ZNF600: variants seen among roughly 807,000 people sequenced by gnomAD.
ZNF600 encodes the protein zinc finger protein KR-ZNF1.
A neutral mutation model predicts 7.3 loss-of-function variants in ZNF600; 4 were observed. The observed-to-expected ratio is 0.55, with a 90% confidence interval of 0.27 to 1.25. The LOEUF (loss-of-function observed/expected upper bound fraction) is 1.25, where lower values mean the gene tolerates loss of function less well. ZNF600 is among the 50% of genes most tolerant of loss of function. ZNF600 has a pLI of 0.12. For synonymous variants in ZNF600, 290 were observed against 308.9 expected, an observed-to-expected ratio of 0.94 and a Z score of 0.64; for missense variants, 911 against 922.1, an observed-to-expected ratio of 0.99 and a Z score of 0.16.
chr19:52,818,140 T>C, the ZNF600 span: 1 of 1,177,912 alleles, frequency 8.5e-7, no homozygotes, highest in Non-Finnish European at 1.2e-6. Flanking sequence ...TGGTCCCCTA[T>C]GCTGCCTACC....
At chr19:52,830,039 C>CTAG in the ZNF600 span, among the ~76,000 whole-genome samples, 64,676 of 151,610 alleles carry the variant, frequency 0.43, 15,852 homozygotes, top group Non-Finnish European at 0.57. Flanking sequence ...TTTGGAAGAC[C>CTAG]GCAGTGGGTG....
chr19:52,787,983 T>C (rs1468227399), upstream of ZNF600, among the ~76,000 whole-genome samples: 2 of 152,146 alleles, frequency 1.3e-5, no homozygotes, highest in Admixed American at 6.5e-5. Flanking sequence ...CTTTCATACA[T>C]AGATTCTCTG....
the ZNF600 span, among the ~76,000 whole-genome samples, chr19:52,829,750 G>A: frequency 1.3e-3 from 205 of 152,130 alleles, no homozygotes; most frequent in Middle Eastern, 0.01. Context: ...CGCCTCAAGC[G>A]ATCTACCCCC....
At chr19:52,784,273 T>G (rs1004525303) in intron 1 of ZNF600, among the ~76,000 whole-genome samples, 59 of 152,006 alleles carry the variant, frequency 3.9e-4, no homozygotes, top group African/African-American at 1.4e-3. Context: ...GGGCTTGGTG[T>G]CTCACACCTG....
the ZNF600 span, chr19:52,800,867 T>C: frequency 5.7e-5 from 92 of 1,613,932 alleles, no homozygotes; most frequent in Admixed American, 1.7e-4. Context: ...TACATTTGTA[T>C]GGTTTCCCTC....
chr19:52,774,431 A>G, intron 3 of ZNF600, 144 bp downstream of exon 5: 10 of 902,310 alleles, frequency 1.1e-5, no homozygotes, highest in Non-Finnish European at 1.3e-5. Flanking sequence ...ATCCATCTCA[A>G]ACAAAAAAAC....
chr19:52,808,123 G>A, the ZNF600 span: 3 of 1,613,150 alleles, frequency 1.9e-6, no homozygotes, highest in East Asian at 2.2e-5. Flanking sequence ...GTCCCTGAAT[G>A]TCAATAGACC....
the ZNF600 span, among the ~76,000 whole-genome samples, chr19:52,815,833 T>TA: frequency 2.1e-5 from 3 of 146,208 alleles, 1 homozygote; most frequent in African/African-American, 8.0e-5. Context: ...TCAAAAAAAA[T>TA]AAATAACTAT....
At chr19:52,786,702 G>C in exon 1 of ZNF600, 1 of 315,848 alleles carries the variant, frequency 3.2e-6, no homozygotes, top group South Asian at 2.5e-5. Context: ...GGGAAGTGCA[G>C]ACTTAATCCA....
At chr19:52,778,961 G>C in intron 1 of ZNF600, 54 bp from the exon 4 acceptor site, 1 of 1,510,224 alleles carries the variant, frequency 6.6e-7, no homozygotes, top group Non-Finnish European at 8.9e-7. Context: ...CTCCCATCCT[G>C]TGACAAAACC....
At chr19:52,801,702 T>A in the ZNF600 span, 2 of 1,610,086 alleles carry the variant, frequency 1.2e-6, no homozygotes, top group Non-Finnish European at 8.5e-7. Context: ...GGAAGAGATA[T>A]CTACAAAATA....
At chr19:52,810,000 G>A in the ZNF600 span, 1 of 763,854 alleles carries the variant, frequency 1.3e-6, no homozygotes, top group Non-Finnish European at 2.3e-6. Context: ...GGAGCCTGAG[G>A]AGCTGCTGTT....
At position 52,774,574 on chromosome 19, in the gene ZNF600, C is replaced by T; in HGVS notation, c.190+1G>A. On this transcript the variant is annotated splice_donor_variant, in intron 3 of 3. Coordinates refer to ENST00000648973, the Ensembl canonical transcript of ZNF600. LOFTEE classifies it high-confidence loss of function. The stretch of plus-strand genomic sequence containing the variant: ...TGTCTGGGGGACATCATTTTCCTCA[C>T]CCACAGCTTCCAGGTTCCTGTAGTT... The T allele has an allele frequency of 1.0e-6, 1 of 985,136 alleles. No individual in the cohort carries two copies. The highest frequency in any genetic ancestry group is 1.7e-5 in the African/African-American group (1 of 57,278). The allele number at this position is 985,136 out of a possible 1,614,324, so 61.0% of individuals were successfully genotyped here.
chr19:52,767,079 G>A (rs1336308759), exon 4 of ZNF600: 2 of 1,613,954 alleles, frequency 1.2e-6, no homozygotes, highest in South Asian at 2.2e-5. Flanking sequence ...CTGACTGAAG[G>A]ACTTTCCACA....
chr19:52,792,555 A>G, the ZNF600 span, among the ~76,000 whole-genome samples: 10 of 151,976 alleles, frequency 6.6e-5, no homozygotes, highest in Admixed American at 6.6e-4. Context: ...TTCATCTCAA[A>G]AAATACAAAA....
chr19:52,765,492 CATTT>C (rs1172862706), exon 4 of ZNF600: 7 of 1,588,368 alleles, frequency 4.4e-6, no homozygotes, highest in Admixed American at 1.7e-5. Context: ...AAATTTGCCA[CATTT>C]ATTACACTTG....
the ZNF600 span, among the ~76,000 whole-genome samples, chr19:52,794,025 C>T: frequency 1.3e-5 from 2 of 152,046 alleles, no homozygotes; most frequent in African/African-American, 4.8e-5. Context: ...TAGGAAGTCA[C>T]TTATGGACAC....
the ZNF600 span, among the ~76,000 whole-genome samples, chr19:52,823,133 G>A: frequency 6.6e-6 from 1 of 152,178 alleles, no homozygotes; most frequent in Non-Finnish European, 1.5e-5. Context: ...CAACAGGTTA[G>A]TCTTCCTAAT....
the ZNF600 span, chr19:52,800,855 C>A: frequency 6.2e-7 from 1 of 1,613,936 alleles, no homozygotes; most frequent in Non-Finnish European, 8.5e-7. Context: ...TGTCACAAAC[C>A]TTACATTTGT....
Sources: gnomAD v4.1 joint callset for allele counts (sites outside exome capture counted in the v4.1 genomes callset) on GRCh38, gnomAD v4.1.1 for gene constraint, MANE v1.5 for transcripts, NCBI Gene and HGNC (gene_info 2026-07-23, HGNC 2026-07-21) for gene names.